The following TBCE variants were observed in gnomAD, a reference collection of about 807,000 sequenced individuals.
The protein encoded by TBCE is tubulin folding cofactor E.
Under a neutral mutation model 77.0 loss-of-function variants are expected in TBCE, and 53 were observed. That is an observed-to-expected ratio of 0.69 (90% CI 0.55 to 0.87). The LOEUF (loss-of-function observed/expected upper bound fraction) is 0.87, where lower values mean the gene tolerates loss of function less well. Ranked by LOEUF, TBCE falls within the 40% of genes least tolerant of loss-of-function variation. TBCE has a pLI of 0.00. For missense variants in TBCE, 624 were observed against 622.4 expected (o/e 1.00, Z -0.03); for synonymous variants, 235 against 241.3 (o/e 0.97, Z 0.24).
chr1:235,382,130 T>C (rs1266619059), intron 2 of TBCE, among the ~76,000 whole-genome samples: 3 of 150,202 alleles, frequency 2.0e-5, no homozygotes, highest in Admixed American at 6.7e-5. Context: ...CATGTCCCTA[T>C]AAAGGACATG....
chr1:235,381,156 C>G (rs577099489), intron 2 of TBCE, among the ~76,000 whole-genome samples: 1 of 152,102 alleles, frequency 6.6e-6, no homozygotes, highest in Admixed American at 6.6e-5. Context: ...TGCAATGTGC[C>G]CAGAATTAGA....
chr1:235,439,098 A>C, intron 13 of TBCE, 176 bp downstream of exon 13: 1 of 754,812 alleles, frequency 1.3e-6, no homozygotes, highest in Non-Finnish European at 2.2e-6. Context: ...CGGCAGGGCA[A>C]GAGCAGTATC....
chr1:235,406,157 T>A (rs1679413129), intron 3 of TBCE, among the ~76,000 whole-genome samples: 1 of 152,196 alleles, frequency 6.6e-6, no homozygotes, highest in Non-Finnish European at 1.5e-5. Context: ...ATCTGTGAAT[T>A]CCATTTCAGG....
At position 235,415,140 on chromosome 1, in the gene TBCE, T is replaced by G. The variant is rs114827399; in HGVS notation, c.371+522T>G. 5.6e-3 allele frequency: 1,049 copies of G among 186,002 alleles called. 11 individuals are homozygous for G. The highest frequency in any genetic ancestry group is 0.024 in the African/African-American group (998 of 42,350). The allele number at this position is 186,002 out of a possible 1,614,324, so 11.5% of individuals were successfully genotyped here. Reference sequence around the variant, plus strand: ...TTTGGGATATGGGCTCTAATGCATTTTATTGTATTGTATTGTATTGTATTT... The same window carrying G: ...TTTGGGATATGGGCTCTAATGCATTGTATTGTATTGTATTGTATTGTATTT... On this transcript the variant is annotated intron_variant, in intron 4 of 16. Coordinates refer to ENST00000642610, the MANE Select transcript of TBCE (RefSeq NM_003193.5).
At chr1:235,433,029 G>T in intron 7 of TBCE, 1 of 1,544,628 alleles carries the variant, frequency 6.5e-7, no homozygotes, top group Non-Finnish European at 8.7e-7. Context: ...GCGTGCTGCA[G>T]AAATGCTCCA....
intron 14 of TBCE, 64 bp downstream of exon 14, chr1:235,441,946 G>T (rs538941664): frequency 2.0e-5 from 29 of 1,421,526 alleles, no homozygotes; most frequent in Non-Finnish European, 2.9e-5. Context: ...AACAGTTAGT[G>T]TGTTTCTCTT....
At chr1:235,428,467 A>ATG (rs150739178) in intron 6 of TBCE, among the ~76,000 whole-genome samples, 3,423 of 151,850 alleles carry the variant, frequency 0.023, 135 homozygotes, top group African/African-American at 0.078. Flanking sequence ...TAAACTCCTC[A>ATG]TGTGTCTGTG....
chr1:235,375,867 AC>A (rs1677259926), intron 1 of TBCE, among the ~76,000 whole-genome samples: 1 of 151,860 alleles, frequency 6.6e-6, no homozygotes, highest in Admixed American at 6.6e-5. Context: ...ATAAGGTGAA[AC>A]CCCATCTCTA....
intron 3 of TBCE, among the ~76,000 whole-genome samples, chr1:235,407,995 T>C (rs1007668908): frequency 5.3e-5 from 8 of 152,176 alleles, no homozygotes; most frequent in Non-Finnish European, 8.8e-5. Context: ...ATGGTAGAAG[T>C]TCTCTTTTCT....
chr1:235,450,100 C>T lies in TBCE; in HGVS notation c.*1338C>T. On this transcript the variant is annotated 3_prime_UTR_variant, in exon 17 of 17. Coordinates refer to ENST00000642610, the MANE Select transcript of TBCE (RefSeq NM_003193.5). ...GGTGAAAGTGCCAGTCTGGAACTCT[C>T]TTGAAAGACCATACAGTCTACTGCT... 22 of 1,396,918 alleles carry T rather than the reference C, an allele frequency of 1.6e-5. No homozygotes were observed. The highest frequency in any genetic ancestry group is 2.1e-5 in the Non-Finnish European group (21 of 1,007,716). 86.5% of individuals were successfully genotyped at this position (1,396,918 alleles called of 1,614,324 possible).
Position 235,441,405 on chromosome 1 carries a change from C to T in TBCE, c.1271-409C>T, listed in dbSNP as rs532186052. ...TCAGGTGGCACCAGGTTTCTGTCAG[C>T]GCAGAAAGAGAACTGTTACCAAAGG... On this transcript the variant is annotated intron_variant, in intron 13 of 16. Coordinates refer to ENST00000642610, the MANE Select transcript of TBCE (RefSeq NM_003193.5). 440 of 269,186 alleles carry T rather than the reference C, an allele frequency of 1.6e-3. 6 individuals are homozygous for T. The South Asian group carries it at 0.017, about 11-fold the overall frequency. 16.7% of individuals were successfully genotyped at this position (269,186 alleles called of 1,614,324 possible). A position where few individuals can be genotyped will look rare whatever the true frequency, so the allele number is the denominator to read the frequency against.
intron 2 of TBCE, among the ~76,000 whole-genome samples, chr1:235,384,397 G>A (rs1410341422): frequency 6.8e-6 from 1 of 146,712 alleles, no homozygotes; most frequent in South Asian, 2.2e-4. Flanking sequence ...AATGGTACCT[G>A]TTCCTCCTTG....
At position 235,449,891 on chromosome 1, in the gene TBCE, G is replaced by A; in HGVS notation, c.*1129G>A. ...GCCAAGTTTTAACCAAAAACTATAGGTAATGGTGAATTACTAATTAGCCAC... is the reference window on the plus strand; with the variant it reads ...GCCAAGTTTTAACCAAAAACTATAGATAATGGTGAATTACTAATTAGCCAC... On this transcript the variant is annotated 3_prime_UTR_variant, in exon 17 of 17. Coordinates refer to ENST00000642610, the MANE Select transcript of TBCE (RefSeq NM_003193.5). The A allele has an allele frequency of 4.5e-6, 1 of 222,322 alleles. No homozygotes were observed. Among genetic ancestry groups the A allele is most frequent in the South Asian group, 7.5e-5 (1 of 13,278 alleles). The allele number at this position is 222,322 out of a possible 1,614,324, so 13.8% of individuals were successfully genotyped here.
chr1:235,421,524 C>A (rs6691321), intron 5 of TBCE, among the ~76,000 whole-genome samples: 10,200 of 151,994 alleles, frequency 0.067, 646 homozygotes, highest in African/African-American at 0.17. Flanking sequence ...CCTGGCCAAC[C>A]TGGTGAAACT....
chr1:235,430,500 A>G (rs1474928132), intron 6 of TBCE: 2 of 463,416 alleles, frequency 4.3e-6, no homozygotes, highest in East Asian at 4.2e-5. Context: ...CTGATACCAA[A>G]AAGTTGTATG....
chr1:235,380,260 C>T (rs1677555318), intron 2 of TBCE, 111 bp downstream of exon 2: 1 of 1,076,818 alleles, frequency 9.3e-7, no homozygotes, highest in East Asian at 2.5e-5. Flanking sequence ...CACTTTATAC[C>T]ACAAATTTTG....
chr1:235,422,349 T>C (rs540220099), intron 5 of TBCE, among the ~76,000 whole-genome samples: 1 of 151,394 alleles, frequency 6.6e-6, no homozygotes, highest in Admixed American at 6.6e-5. Flanking sequence ...TTGTCTGTAC[T>C]AAAAATACAA....
chr1:235,407,134 CTTTT>C (rs1233356015), intron 3 of TBCE, among the ~76,000 whole-genome samples: 3 of 138,576 alleles, frequency 2.2e-5, no homozygotes, highest in African/African-American at 2.7e-5. Flanking sequence ...TGGCCCCCGC[CTTTT>C]TTTTTTTTTT....
At chr1:235,443,815 T>C (rs892781343) in intron 15 of TBCE, among the ~76,000 whole-genome samples, 6 of 152,230 alleles carry the variant, frequency 3.9e-5, no homozygotes, top group Non-Finnish European at 8.8e-5. Flanking sequence ...AAAATTGTGG[T>C]ACTGGAACTG....
Sources: allele counts gnomAD v4.1 joint callset (sites outside exome capture counted in the v4.1 genomes callset), GRCh38; gene constraint gnomAD v4.1.1; transcripts MANE v1.5; gene names NCBI Gene and HGNC (gene_info 2026-07-23, HGNC 2026-07-21).